The following UVSSA variants were observed in gnomAD, a reference collection of about 807,000 sequenced individuals.
UVSSA encodes UV stimulated scaffold protein A.
UVSSA carries 72 observed loss-of-function variants against 73.9 expected under a neutral mutation model. The ratio of observed to expected loss-of-function variants is 0.97; its 90% CI spans 0.81 to 1.19. The LOEUF (loss-of-function observed/expected upper bound fraction) is 1.19. Ranked by LOEUF, UVSSA falls within the 50% of genes most tolerant of loss-of-function variation. The pLI, the probability that UVSSA is intolerant of heterozygous loss-of-function variation, is 0.00. For synonymous variants in UVSSA, 454 were observed against 391.3 expected (o/e 1.16, Z -1.89); for missense variants, 1,150 against 965.0 (o/e 1.19, Z -2.54).
intron 7 of UVSSA, among the ~76,000 whole-genome samples, chr4:1,362,596 T>G (rs1166899621): frequency 6.6e-6 from 1 of 152,186 alleles, no homozygotes; most frequent in Non-Finnish European, 1.5e-5. Flanking sequence ...CCTGGATTCT[T>G]GCTCGTCCAG....
At chr4:1,395,499 C>T (rs765478477) in exon 14 of UVSSA, 1 of 1,562,054 alleles carries the variant, frequency 6.4e-7, no homozygotes, top group South Asian at 1.1e-5. Context: ...TTGTGGAGTG[C>T]CCGCCTGCTC....
rs751086316 is a variant in UVSSA, at chr4:1,353,211, C to T, written c.732C>T (p.Asp244=). 4.3e-6 allele frequency: 7 copies of T among 1,612,448 alleles called. No homozygotes were observed. The highest frequency in any genetic ancestry group is 5.1e-6 in the Non-Finnish European group (6 of 1,179,844). ...QVGPCRSGTP[D]PRDGEQPCCS... is the part of the protein sequence containing the mutation. Reference sequence around the variant, plus strand: ...GCCCCTGCCGGTCTGGCACCCCTGACCCCCGGGACGGGGAGCAGCCCTGCT... The same window carrying T: ...GCCCCTGCCGGTCTGGCACCCCTGATCCCCGGGACGGGGAGCAGCCCTGCT... Residue 244 remains aspartate, a synonymous_variant, in exon 5 of 14, where the codon GAC becomes GAT. Coordinates refer to ENST00000389851, the MANE Select transcript of UVSSA (RefSeq NM_020894.4).
intron 13 of UVSSA, 183 bp from the exon 14 acceptor site, chr4:1,385,685 C>G: frequency 1.6e-6 from 1 of 629,056 alleles, no homozygotes; most frequent in Non-Finnish European, 2.8e-6. Context: ...CTGTCTGTCT[C>G]GGGCCAGGGC....
chr4:1,374,548 G>A (rs929506430), intron 8 of UVSSA, among the ~76,000 whole-genome samples: 2 of 152,224 alleles, frequency 1.3e-5, no homozygotes, highest in Admixed American at 1.3e-4. Flanking sequence ...AGGGGCTGGT[G>A]GCCTCGTCCC....
intron 7 of UVSSA, among the ~76,000 whole-genome samples, chr4:1,355,766 G>C (rs1715633937): frequency 6.6e-6 from 1 of 152,190 alleles, no homozygotes; most frequent in African/African-American, 2.4e-5. Flanking sequence ...GGAGCACGGG[G>C]TTAGAAGGGG....
intron 8 of UVSSA, among the ~76,000 whole-genome samples, chr4:1,371,606 T>C (rs1718044647): frequency 6.6e-6 from 1 of 152,104 alleles, no homozygotes; most frequent in African/African-American, 2.4e-5. Flanking sequence ...CTCACAATCA[T>C]GGTGGAAGGC....
In UVSSA at chr4:1,386,020, C is replaced by A. The variant is rs1720082980; in HGVS notation, c.*59C>A. The A allele has an allele frequency of 6.4e-7, 1 of 1,560,648 alleles. No individual in the cohort carries two copies. On this transcript the variant is annotated 3_prime_UTR_variant, in exon 14 of 14. Transcript: ENST00000389851. ...TTCTCCCTCTGCCAGTGTCTCAGGA[C>A]AGCAGAGTGGGCGTGGGTCTGGGCA...
intron 10 of UVSSA, among the ~76,000 whole-genome samples, chr4:1,377,751 C>T (rs555312470): frequency 1.1e-4 from 16 of 152,212 alleles, no homozygotes; most frequent in Non-Finnish European, 1.9e-4. Context: ...GCTGGGCAGG[C>T]CTGGCTTCAC....
upstream of UVSSA, among the ~76,000 whole-genome samples, chr4:1,345,911 G>A (rs1560408687): frequency 6.6e-6 from 1 of 152,180 alleles, no homozygotes; most frequent in Non-Finnish European, 1.5e-5. Context: ...GAGGGAAACT[G>A]CTGGATGGGT....
At chr4:1,377,443 G>A (rs1029283447) in intron 10 of UVSSA, among the ~76,000 whole-genome samples, 1 of 152,210 alleles carries the variant, frequency 6.6e-6, no homozygotes, top group Non-Finnish European at 1.5e-5. Context: ...TAGGGACAGT[G>A]TGAGGAGGGA....
At chr4:1,370,448 C>A (rs1023538103) in intron 8 of UVSSA, among the ~76,000 whole-genome samples, 1 of 152,268 alleles carries the variant, frequency 6.6e-6, no homozygotes, top group African/African-American at 2.4e-5. Context: ...GTCCCCATCA[C>A]CTGCTCTGTG....
In UVSSA at chr4:1,366,539, G is replaced by A. The variant is rs570256044; in HGVS notation, c.1288+108G>A. The A allele has an allele frequency of 3.9e-5, 29 of 752,610 alleles. No homozygotes were observed. The South Asian group carries it at 4.1e-4, about 11-fold the overall frequency. 46.6% of individuals were successfully genotyped at this position (752,610 alleles called of 1,614,324 possible). On this transcript the variant is annotated intron_variant, in intron 8 of 13. Coordinates refer to ENST00000389851, the MANE Select transcript of UVSSA (RefSeq NM_020894.4). ...GGGCAGGGCCTGGAGCCCATCTTGTGGTAACTGCTGCTTTGGTTTAAAATG... is the reference window on the plus strand; with the variant it reads ...GGGCAGGGCCTGGAGCCCATCTTGTAGTAACTGCTGCTTTGGTTTAAAATG...
At chr4:1,375,131 A>G in intron 8 of UVSSA, 1 of 607,744 alleles carries the variant, frequency 1.6e-6, no homozygotes, top group East Asian at 2.9e-5. Flanking sequence ...GCGTGGCCAC[A>G]AGGCGGGACT....
chr4:1,355,359 C>A, intron 7 of UVSSA, 114 bp downstream of exon 7: 2 of 1,063,452 alleles, frequency 1.9e-6, no homozygotes, highest in Non-Finnish European at 1.4e-6. Context: ...AGCCACACCC[C>A]AAGCCCACTC....
chr4:1,367,159 T>C (rs1292695187), intron 8 of UVSSA, among the ~76,000 whole-genome samples: 3 of 151,992 alleles, frequency 2.0e-5, no homozygotes, highest in Non-Finnish European at 4.4e-5. Context: ...ACTCGGGAGG[T>C]GCCGAACCCT....
In UVSSA at chr4:1,385,853, C is replaced by T. The variant is rs1205985952; in HGVS notation, c.2037-15C>T. ...GGAAGCCTCCCAGGTCACATCTTGC[C>T]TTGTTTCCCCACAGGGCAGCTGTGC... On this transcript the variant is annotated splice_polypyrimidine_tract_variant and intron_variant, in intron 13 of 13. Transcript: ENST00000389851. 2 of 1,613,928 alleles carry T rather than the reference C, an allele frequency of 1.2e-6. No individual in the cohort carries two copies. The highest frequency in any genetic ancestry group is 1.7e-6 in the Non-Finnish European group (2 of 1,179,950).
At chr4:1,376,275 C>A in intron 10 of UVSSA, 107 bp downstream of exon 10, 1 of 1,418,996 alleles carries the variant, frequency 7.0e-7, no homozygotes, top group South Asian at 1.5e-5. Context: ...GAAGCTGGCC[C>A]TGCCTCCCAG....
In UVSSA at chr4:1,347,390, C is replaced by T. The variant is rs1027841112; in HGVS notation, c.-373C>T. 5.9e-5 allele frequency: 9 copies of T among 152,246 alleles called. No homozygotes were observed. The highest frequency in any genetic ancestry group is 1.9e-4 in the African/African-American group (8 of 41,538). 9.4% of individuals were successfully genotyped at this position (152,246 alleles called of 1,614,324 possible). A position where few individuals can be genotyped will look rare whatever the true frequency, so the allele number is the denominator to read the frequency against. ...GCGGGCCCTGGGCCGAGTGACAGGCCGCAGCCCCCCGAGCACCGTCGAAGC... is the reference window on the plus strand; with the variant it reads ...GCGGGCCCTGGGCCGAGTGACAGGCTGCAGCCCCCCGAGCACCGTCGAAGC... On this transcript the variant is annotated 5_prime_UTR_variant, in exon 1 of 14. Coordinates refer to ENST00000389851, the MANE Select transcript of UVSSA (RefSeq NM_020894.4).
rs28522910 is a variant in UVSSA at position 1,380,986 on chromosome 4, C to T, written c.1859C>T (p.Pro620Leu). The change falls in exon 12 of 14, where the codon CCG becomes CTG. Residue 620 changes from proline to leucine, a missense_variant and splice_region_variant. Pro to Leu is a moderately conservative substitution (Grantham distance 98). Coordinates refer to ENST00000389851, the MANE Select transcript of UVSSA (RefSeq NM_020894.4). The stretch of plus-strand genomic sequence containing the variant: ...CGGCAGCTGCAGAAGCAGGAGCGCC[C>T]GGGTAGGTCTGGGCAAGGCGGTCAC... ...QRRQLQKQER[P>L]EWQDPELMRD... 1,100,335 of 1,611,306 alleles carry T rather than the reference C, an allele frequency of 0.68. 376,909 individuals carry two copies. The highest frequency in any genetic ancestry group is 0.81 in the Admixed American group (48,487 of 59,914).
Sources: allele counts gnomAD v4.1 joint callset (sites outside exome capture counted in the v4.1 genomes callset), GRCh38; gene constraint gnomAD v4.1.1; transcripts MANE v1.5; gene names NCBI Gene and HGNC (gene_info 2026-07-23, HGNC 2026-07-21).